Variants in RALGPS1 observed in about 807,000 individuals in gnomAD.
The protein encoded by RALGPS1 is Ral GEF with PH domain and SH3 binding motif 1.
In RALGPS1, 19 loss-of-function variants were observed where a neutral mutation model predicts 78.8. The observed-to-expected ratio is 0.24, with a 90% CI of 0.17 to 0.35. The LOEUF is 0.35. Ranked by LOEUF, RALGPS1 falls within the 10% of genes least tolerant of loss-of-function variation. The probability of loss-of-function intolerance (pLI) is 1.00; values close to 1 mark genes in which losing one functional copy is unlikely to be tolerated. For synonymous variants in RALGPS1, 228 were observed against 256.3 expected, an observed-to-expected ratio of 0.89 and a Z score of 1.06; for missense variants, 454 against 688.3, an observed-to-expected ratio of 0.66 and a Z score of 3.81.
At chr9:127,192,249 A>G (rs549946915) in intron 11 of RALGPS1, among the ~76,000 whole-genome samples, 2 of 152,324 alleles carry the variant, frequency 1.3e-5, no homozygotes, top group South Asian at 2.1e-4. Flanking sequence ...GGCCATGATG[A>G]CTGTGCAGCA....
At chr9:127,175,969 C>T (rs970093778) in intron 11 of RALGPS1, among the ~76,000 whole-genome samples, 4 of 152,170 alleles carry the variant, frequency 2.6e-5, no homozygotes, top group Non-Finnish European at 5.9e-5. Flanking sequence ...GTGGCAGCCT[C>T]TCATGAGCCC....
chr9:127,199,953 A>C (rs929439251), intron 14 of RALGPS1, among the ~76,000 whole-genome samples: 5 of 143,924 alleles, frequency 3.5e-5, no homozygotes, highest in African/African-American at 1.2e-4. Flanking sequence ...CCCTACACAC[A>C]CATATACCCA....
chr9:126,993,121 A>G (rs188635725), intron 4 of RALGPS1, among the ~76,000 whole-genome samples: 10 of 152,212 alleles, frequency 6.6e-5, no homozygotes, highest in African/African-American at 2.2e-4. Context: ...TCCTGCATCT[A>G]TTGACATAAT....
intron 13 of RALGPS1, 96 bp from the exon 14 acceptor site, chr9:127,198,919 T>C (rs1264024548): frequency 7.3e-6 from 8 of 1,097,332 alleles, no homozygotes; most frequent in Non-Finnish European, 1.1e-5. Context: ...TCTGTGGCAC[T>C]TCTGTGAGCT....
intron 8 of RALGPS1, among the ~76,000 whole-genome samples, chr9:127,071,047 A>G (rs1461641571): frequency 6.6e-6 from 1 of 151,032 alleles, no homozygotes; most frequent in African/African-American, 2.4e-5. Context: ...CTCTATATAT[A>G]TATACACTAA....
At chr9:127,007,833 ATT>A in intron 4 of RALGPS1, among the ~76,000 whole-genome samples, 2 of 152,264 alleles carry the variant, frequency 1.3e-5, no homozygotes, top group East Asian at 3.9e-4. Flanking sequence ...GCAGTAAGAC[ATT>A]GGAGGGTTTC....
intron 1 of RALGPS1, among the ~76,000 whole-genome samples, chr9:126,920,914 C>T (rs2034688158): frequency 6.6e-6 from 1 of 152,238 alleles, no homozygotes; most frequent in Non-Finnish European, 1.5e-5. Context: ...AATCCTGCCT[C>T]TGTCACAGAC....
intron 9 of RALGPS1, among the ~76,000 whole-genome samples, chr9:127,167,582 GCTCTCTTAC>G (rs991411739): frequency 3.3e-5 from 5 of 152,178 alleles, no homozygotes; most frequent in African/African-American, 1.2e-4. Context: ...CCCAGCAAAT[GCTCTCTTAC>G]CACTGTTCAC....
At chr9:127,153,729 G>A (rs1043132472) in intron 8 of RALGPS1, among the ~76,000 whole-genome samples, 3 of 152,176 alleles carry the variant, frequency 2.0e-5, no homozygotes, top group Non-Finnish European at 4.4e-5. Flanking sequence ...TTCGGCCTCT[G>A]TTCCCTGCAG....
intron 5 of RALGPS1, among the ~76,000 whole-genome samples, chr9:127,047,686 G>C (rs561521055): frequency 1.3e-5 from 2 of 148,298 alleles, no homozygotes; most frequent in African/African-American, 5.0e-5. Flanking sequence ...GTGACAGAGC[G>C]AGACGCCCTC....
At chr9:127,035,036 C>G (rs1233984914) in intron 5 of RALGPS1, among the ~76,000 whole-genome samples, 1 of 152,092 alleles carries the variant, frequency 6.6e-6, no homozygotes. Flanking sequence ...CCACATTGTA[C>G]CCTGTGCTCC....
intron 11 of RALGPS1, among the ~76,000 whole-genome samples, chr9:127,191,414 C>T (rs1361919843): frequency 3.3e-5 from 5 of 152,286 alleles, no homozygotes; most frequent in Non-Finnish European, 7.3e-5. Flanking sequence ...TCTTTTTCCA[C>T]ATGGAACCCA....
Position 127,056,550 on chromosome 9 carries a change from A to T in RALGPS1, c.483+3611A>T, listed in dbSNP as rs73668469. On this transcript the variant is annotated intron_variant, in intron 7 of 18. Transcript: ENST00000259351. ...ACATTTGGCATAGAACATTTAGGAA[A>T]CAGAGGGGGCCAAACTCATCATCTT... is the stretch of plus-strand genomic sequence containing the variant. Among the ~76,000 whole-genome samples the T allele has an allele frequency of 9.8e-4, 149 of 152,284 alleles. 2 individuals are homozygous for T. The highest frequency in any genetic ancestry group is 3.5e-3 in the African/African-American group (147 of 41,554).
At chr9:127,136,662 C>T (rs998061734) in intron 8 of RALGPS1, among the ~76,000 whole-genome samples, 1 of 152,116 alleles carries the variant, frequency 6.6e-6, no homozygotes, top group Non-Finnish European at 1.5e-5. Flanking sequence ...CTGGCCCCCC[C>T]AGAGGCATTC....
At chr9:127,185,404 T>C (rs534415195) in intron 11 of RALGPS1, among the ~76,000 whole-genome samples, 1 of 152,268 alleles carries the variant, frequency 6.6e-6, no homozygotes, top group African/African-American at 2.4e-5. Context: ...CCTCCAGGGG[T>C]CCCCTCTGTG....
At chr9:127,194,532 C>T (rs933449120) in intron 11 of RALGPS1, among the ~76,000 whole-genome samples, 5 of 152,230 alleles carry the variant, frequency 3.3e-5, no homozygotes, top group African/African-American at 1.2e-4. Context: ...TCTGCCTCAG[C>T]CTCCCGAGTA....
At chr9:127,061,071 C>A (rs539862664) in intron 7 of RALGPS1, among the ~76,000 whole-genome samples, 7 of 152,312 alleles carry the variant, frequency 4.6e-5, no homozygotes, top group African/African-American at 1.7e-4. Context: ...AGACTTGCAT[C>A]TAGGGATGTG....
chr9:127,184,316 T>G, intron 11 of RALGPS1: 1 of 327,046 alleles, frequency 3.1e-6, no homozygotes, highest in Non-Finnish European at 5.8e-6. Flanking sequence ...CAAGACCTTG[T>G]CTCAGGAAAA....
chr9:126,984,727 A>G (rs980494990), intron 4 of RALGPS1, among the ~76,000 whole-genome samples: 4 of 152,028 alleles, frequency 2.6e-5, no homozygotes, highest in Admixed American at 2.6e-4. Flanking sequence ...TTTTAATGTG[A>G]TCCCACTCAT....
Sources: gnomAD v4.1 joint callset for allele counts (sites outside exome capture counted in the v4.1 genomes callset) on GRCh38, gnomAD v4.1.1 for gene constraint, MANE v1.5 for transcripts, NCBI Gene and HGNC (gene_info 2026-07-23, HGNC 2026-07-21) for gene names.